The following PACRG variants were observed in gnomAD, a reference collection of about 807,000 sequenced individuals.
PACRG encodes parkin coregulated gene protein.
PACRG carries 29 observed loss-of-function variants against 29.7 expected under a neutral mutation model. That is an observed-to-expected ratio of 0.98 (90% confidence interval 0.73 to 1.33). The LOEUF (loss-of-function observed/expected upper bound fraction) is 1.33. Ranked by LOEUF, PACRG falls within the 40% of genes most tolerant of loss-of-function variation. The pLI is 0.00. For synonymous variants in PACRG, 116 were observed against 118.7 expected, an observed-to-expected ratio of 0.98 and a Z score of 0.15; for missense variants, 279 against 316.2, an observed-to-expected ratio of 0.88 and a Z score of 0.89.
At chr6:162,922,941 A>G (rs1490750112) in intron 2 of PACRG, among the ~76,000 whole-genome samples, 1 of 152,170 alleles carries the variant, frequency 6.6e-6, no homozygotes, top group Non-Finnish European at 1.5e-5. Context: ...GGAATGCCGG[A>G]TCATGTGGTG....
chr6:162,787,966 C>A (rs1305817319), intron 1 of PACRG, among the ~76,000 whole-genome samples: 1 of 152,010 alleles, frequency 6.6e-6, no homozygotes, highest in Non-Finnish European at 1.5e-5. Context: ...AGGGAGTTCC[C>A]GTGTGCTCCC....
At chr6:163,031,727 C>T (rs865870316) in intron 2 of PACRG, among the ~76,000 whole-genome samples, 18 of 152,098 alleles carry the variant, frequency 1.2e-4, no homozygotes, top group Admixed American at 1.2e-3. Flanking sequence ...AAAGCTGAGC[C>T]CAGCCATGGG....
chr6:162,961,984 T>C (rs1800657292), intron 2 of PACRG, among the ~76,000 whole-genome samples: 1 of 152,220 alleles, frequency 6.6e-6, no homozygotes, highest in African/African-American at 2.4e-5. Context: ...GGTTCCTTAA[T>C]CAACCATCAT....
intron 2 of PACRG, among the ~76,000 whole-genome samples, chr6:163,013,388 A>T (rs1465008320): frequency 2.0e-5 from 3 of 152,244 alleles, no homozygotes; most frequent in Admixed American, 6.5e-5. Flanking sequence ...TGGCATATAA[A>T]GAATATTTGT....
Position 163,258,142 on chromosome 6 carries a change from G to A in PACRG, c.614-56685G>A, listed in dbSNP as rs924572204. ...AGAATTTACTTCATCTATCCATTAA[G>A]CACAATATGGGCTCTTATTTTCCAC... On this transcript the variant is annotated intron_variant, in intron 4 of 4. Transcript: ENST00000366888. Among the ~76,000 whole-genome samples, 4 of 151,956 alleles carry A rather than the reference G, an allele frequency of 2.6e-5. No individual in the cohort carries two copies. In the East Asian group the frequency reaches 7.7e-4, roughly 29 times the overall value.
intron 1 of PACRG, among the ~76,000 whole-genome samples, chr6:162,748,501 A>G (rs939393211): frequency 6.6e-5 from 10 of 152,172 alleles, no homozygotes; most frequent in African/African-American, 2.2e-4. Context: ...TCAAAAAAAC[A>G]AAACCAAACC....
At position 162,810,741 on chromosome 6, in the gene PACRG, A is replaced by G. The variant is rs190213091; in HGVS notation, c.157-3406A>G. On this transcript the variant is annotated intron_variant, in intron 1 of 4. Coordinates refer to ENST00000366888, the MANE Select transcript of PACRG (RefSeq NM_001080379.2). ...AAGATAGAGCAGTAGAAGTTACCCA[A>G]TATGAACGACAGAGAAAACAGGCTG... Among the ~76,000 whole-genome samples the G allele has an allele frequency of 2.8e-3, 422 of 152,308 alleles. 1 individual carries two copies. The highest frequency in any genetic ancestry group is 9.6e-3 in the African/African-American group (399 of 41,572).
chr6:163,143,366 A>G (rs975603903), intron 4 of PACRG, among the ~76,000 whole-genome samples: 1 of 152,238 alleles, frequency 6.6e-6, no homozygotes, highest in Non-Finnish European at 1.5e-5. Context: ...TTTCCAACGC[A>G]TAAGTAGAGG....
At chr6:163,069,193 A>G (rs760218588) in intron 3 of PACRG, among the ~76,000 whole-genome samples, 11 of 151,824 alleles carry the variant, frequency 7.2e-5, no homozygotes, top group Non-Finnish European at 1.3e-4. Flanking sequence ...CAGGATAGCT[A>G]TAAATAAGCC....
intron 4 of PACRG, among the ~76,000 whole-genome samples, chr6:163,212,936 G>C (rs1055302997): frequency 1.3e-5 from 2 of 151,950 alleles, no homozygotes; most frequent in Non-Finnish European, 2.9e-5. Context: ...CCACCACCAC[G>C]CCCAGCTAAT....
intron 1 of PACRG, among the ~76,000 whole-genome samples, chr6:162,783,490 AT>A (rs1364480725): frequency 6.6e-6 from 1 of 151,916 alleles, no homozygotes; most frequent in Non-Finnish European, 1.5e-5. Flanking sequence ...GCTGTTTTTC[AT>A]TTATCATTAT....
intron 4 of PACRG, among the ~76,000 whole-genome samples, chr6:163,202,015 G>A (rs925865792): frequency 3.3e-5 from 5 of 152,214 alleles, no homozygotes; most frequent in African/African-American, 1.2e-4. Flanking sequence ...GGGCAGGCAG[G>A]GTTAGAGTAA....
At chr6:163,086,406 G>A (rs1487337881) in intron 3 of PACRG, among the ~76,000 whole-genome samples, 1 of 152,166 alleles carries the variant, frequency 6.6e-6, no homozygotes, top group Admixed American at 6.5e-5. Context: ...TTTTTCAGCA[G>A]ATAGATTTTG....
intron 1 of PACRG, among the ~76,000 whole-genome samples, chr6:162,731,266 T>C (rs762606111): frequency 2.6e-5 from 4 of 152,182 alleles, no homozygotes; most frequent in Non-Finnish European, 4.4e-5. Context: ...TTTTCAGAAC[T>C]GGCGTGACCA....
At chr6:162,744,735 G>A (rs937740020) in intron 1 of PACRG, among the ~76,000 whole-genome samples, 2 of 151,990 alleles carry the variant, frequency 1.3e-5, no homozygotes, top group Non-Finnish European at 2.9e-5. Context: ...ATAAAAAATT[G>A]TTTAAAGATT....
chr6:163,207,508 G>C (rs1780956359), intron 4 of PACRG, among the ~76,000 whole-genome samples: 1 of 152,126 alleles, frequency 6.6e-6, no homozygotes, highest in African/African-American at 2.4e-5. Flanking sequence ...ACATTTCCAT[G>C]ATATTCAACT....
At chr6:162,816,433 A>G (rs574242742) in intron 2 of PACRG, among the ~76,000 whole-genome samples, 90 of 152,178 alleles carry the variant, frequency 5.9e-4, no homozygotes, top group African/African-American at 2.0e-3. Context: ...GCTCACTGCA[A>G]CCTCCGCCTC....
At chr6:162,907,677 CAT>C (rs1327863483) in intron 2 of PACRG, among the ~76,000 whole-genome samples, 1 of 151,802 alleles carries the variant, frequency 6.6e-6, no homozygotes, top group Non-Finnish European at 1.5e-5. Context: ...AAGATTCACA[CAT>C]AAAAAGAGCT....
intron 4 of PACRG, among the ~76,000 whole-genome samples, chr6:163,291,966 A>T (rs1784624505): frequency 6.6e-6 from 1 of 152,214 alleles, no homozygotes; most frequent in Non-Finnish European, 1.5e-5. Context: ...AGGGGAGCTG[A>T]AATTTATTCA....
Sources: gnomAD v4.1 joint callset for allele counts (sites outside exome capture counted in the v4.1 genomes callset) on GRCh38, gnomAD v4.1.1 for gene constraint, MANE v1.5 for transcripts, NCBI Gene and HGNC (gene_info 2026-07-23, HGNC 2026-07-21) for gene names.